Variants in EYA1 observed in about 807,000 individuals in gnomAD.
The protein encoded by EYA1 is protein phosphatase EYA1.
In EYA1, 16 loss-of-function variants were observed where a neutral mutation model predicts 82.0. The ratio of observed to expected loss-of-function variants is 0.20; its 90% confidence interval spans 0.13 to 0.30. The LOEUF (loss-of-function observed/expected upper bound fraction) is 0.30. EYA1 is among the 10% of genes least tolerant of loss of function. The probability of loss-of-function intolerance (pLI) is 1.00; values close to 1 mark genes in which losing one functional copy is unlikely to be tolerated. For missense variants in EYA1, 633 were observed against 730.7 expected (o/e 0.87, Z 1.54); for synonymous variants, 261 against 264.4 (o/e 0.99, Z 0.12).
At chr8:71,352,135 G>C (rs1476491561) in intron 3 of EYA1, among the ~76,000 whole-genome samples, 1 of 152,058 alleles carries the variant, frequency 6.6e-6, no homozygotes, top group Non-Finnish European at 1.5e-5. Flanking sequence ...TAATTCATCG[G>C]TAAACACTGC....
intron 9 of EYA1, among the ~76,000 whole-genome samples, chr8:71,282,666 C>G (rs970527086): frequency 3.3e-5 from 5 of 152,196 alleles, no homozygotes; most frequent in Non-Finnish European, 1.5e-5. Flanking sequence ...GGCTCTTCCT[C>G]TTTTCCCAGC....
intron 2 of EYA1, among the ~76,000 whole-genome samples, chr8:71,491,343 T>G (rs759090093): frequency 6.6e-6 from 1 of 152,196 alleles, no homozygotes; most frequent in South Asian, 2.1e-4. Flanking sequence ...AAACAGGAAC[T>G]CCTCATTCTG....
intron 16 of EYA1, 35 bp downstream of exon 16, chr8:71,215,352 A>C: frequency 6.2e-7 from 1 of 1,603,022 alleles, no homozygotes; most frequent in East Asian, 2.2e-5. Context: ...GAAGGAAAAG[A>C]GCTGATTGTT....
chr8:71,378,514 G>A (rs1828506574), intron 2 of EYA1, among the ~76,000 whole-genome samples: 1 of 152,048 alleles, frequency 6.6e-6, no homozygotes, highest in African/African-American at 2.4e-5. Context: ...AGTATGAGGT[G>A]ATATTTTCTT....
chr8:71,318,863 T>C (rs886172544), intron 6 of EYA1, among the ~76,000 whole-genome samples: 1 of 152,136 alleles, frequency 6.6e-6, no homozygotes, highest in Non-Finnish European at 1.5e-5. Flanking sequence ...AATAACTTCA[T>C]AATGACCTTA....
At chr8:71,222,723 A>C (rs570849117) in intron 12 of EYA1, among the ~76,000 whole-genome samples, 2 of 152,366 alleles carry the variant, frequency 1.3e-5, no homozygotes, top group East Asian at 3.9e-4. Flanking sequence ...TATGAAAAAT[A>C]AAGATTCAGA....
intron 2 of EYA1, among the ~76,000 whole-genome samples, chr8:71,442,654 G>A (rs1418627615): frequency 2.0e-5 from 3 of 152,142 alleles, no homozygotes; most frequent in African/African-American, 4.8e-5. Flanking sequence ...TAGGTATTAT[G>A]GCAGGTACTT....
At chr8:71,541,132 G>A (rs1246105743) in intron 1 of EYA1, among the ~76,000 whole-genome samples, 1 of 152,154 alleles carries the variant, frequency 6.6e-6, no homozygotes, top group Non-Finnish European at 1.5e-5. Flanking sequence ...CAGAGATTGG[G>A]TGTACTCAGA....
At chr8:71,392,239 GA>G (rs1829318534) in intron 2 of EYA1, among the ~76,000 whole-genome samples, 1 of 152,094 alleles carries the variant, frequency 6.6e-6, no homozygotes, top group Non-Finnish European at 1.5e-5. Flanking sequence ...AAGAAAAAAG[GA>G]AAACTCCTGA....
chr8:71,387,855 G>A (rs138357533), intron 2 of EYA1, among the ~76,000 whole-genome samples: 64 of 152,196 alleles, frequency 4.2e-4, no homozygotes, highest in Middle Eastern at 6.8e-3. Flanking sequence ...AAAGCATGAG[G>A]GCAGTGGAGA....
At chr8:71,307,629 T>C (rs1293893386) in intron 7 of EYA1, among the ~76,000 whole-genome samples, 1 of 152,206 alleles carries the variant, frequency 6.6e-6, no homozygotes, top group Non-Finnish European at 1.5e-5. Context: ...CAGTAAATAA[T>C]CCAGCAGACT....
chr8:71,435,264 T>A (rs942934578), intron 2 of EYA1, among the ~76,000 whole-genome samples: 1 of 152,122 alleles, frequency 6.6e-6, no homozygotes, highest in Non-Finnish European at 1.5e-5. Context: ...ACTAAACTTA[T>A]AATCTGCTTT....
chr8:71,540,040 G>C (rs1283181479), intron 1 of EYA1, among the ~76,000 whole-genome samples: 1 of 152,086 alleles, frequency 6.6e-6, no homozygotes, highest in African/African-American at 2.4e-5. Flanking sequence ...ATTTGGAAGT[G>C]ATATTTTATG....
intron 2 of EYA1, among the ~76,000 whole-genome samples, chr8:71,498,649 A>C (rs1008968100): frequency 7.9e-5 from 12 of 152,174 alleles, no homozygotes; most frequent in African/African-American, 2.4e-4. Context: ...TGAAGAGAAA[A>C]GGGTTCCAAC....
chr8:71,332,005 G>A (rs542758316), intron 4 of EYA1, among the ~76,000 whole-genome samples: 3 of 152,058 alleles, frequency 2.0e-5, no homozygotes, highest in South Asian at 2.1e-4. Context: ...ATGCCACCAC[G>A]CCCAGCTAAT....
intron 2 of EYA1, among the ~76,000 whole-genome samples, chr8:71,456,183 A>G (rs1433698661): frequency 6.6e-6 from 1 of 152,220 alleles, no homozygotes. Context: ...TCAAATACCT[A>G]GGAATCCAAC....
chr8:71,305,373 A>C (rs560506710), intron 7 of EYA1, among the ~76,000 whole-genome samples: 2 of 142,766 alleles, frequency 1.4e-5, no homozygotes, highest in Admixed American at 7.0e-5. Context: ...GCTTCATGTG[A>C]AACTTCAATA....
At chr8:71,220,852 C>T (rs1047324454) in intron 12 of EYA1, among the ~76,000 whole-genome samples, 1 of 152,074 alleles carries the variant, frequency 6.6e-6, no homozygotes. Flanking sequence ...AGGAAGGAGC[C>T]AGGAGAGGGC....
intron 2 of EYA1, among the ~76,000 whole-genome samples, chr8:71,405,813 A>T (rs1337620269): frequency 6.6e-6 from 1 of 152,160 alleles, no homozygotes; most frequent in East Asian, 1.9e-4. Context: ...TCAAATTTTA[A>T]ACCTATTACT....
Sources: allele counts gnomAD v4.1 joint callset (sites outside exome capture counted in the v4.1 genomes callset), GRCh38; gene constraint gnomAD v4.1.1; transcripts MANE v1.5; gene names NCBI Gene and HGNC (gene_info 2026-07-23, HGNC 2026-07-21).